The following DNAH9 variants were observed in gnomAD, a reference collection of about 807,000 sequenced individuals.
DNAH9 encodes DNAH9 variant protein.
In DNAH9, 345 loss-of-function variants were observed where a neutral mutation model predicts 471.6. The ratio of observed to expected loss-of-function variants is 0.73; its 90% CI spans 0.67 to 0.80. The LOEUF (loss-of-function observed/expected upper bound fraction) is 0.80. Ranked by LOEUF, DNAH9 falls within the 30% of genes least tolerant of loss-of-function variation. The probability of loss-of-function intolerance (pLI) is 0.00; values close to 1 mark genes in which losing one functional copy is unlikely to be tolerated. For synonymous variants in DNAH9, 2,093 were observed against 2,123.6 expected (o/e 0.99, Z 0.40); for missense variants, 5,407 against 5,609.2 (o/e 0.96, Z 1.15).
intron 62 of DNAH9, among the ~76,000 whole-genome samples, chr17:11,927,593 A>G (rs1057249654): frequency 2.0e-5 from 3 of 152,158 alleles, no homozygotes; most frequent in East Asian, 3.9e-4. Flanking sequence ...GACCTTCTTT[A>G]TGGATCTAAC....
Position 11,871,662 on chromosome 17 carries a change from A to G in DNAH9, c.10118A>G (p.Glu3373Gly). Residue 3373 changes from glutamate (E) to glycine (G), a missense_variant, in exon 52 of 69, where the codon GAA (glutamate) becomes GGA (glycine). Glu to Gly is a moderately conservative substitution (Grantham distance 98, BLOSUM62 -2). Coordinates refer to ENST00000262442, the MANE Select transcript of DNAH9 (RefSeq NM_001372.4). Reference sequence around the variant, plus strand: ...GCCGTGCAGAACTTCAAACAGCAGGAAAGGACGTTATGTGGAGACATTTTA... The same window carrying G: ...GCCGTGCAGAACTTCAAACAGCAGGGAAGGACGTTATGTGGAGACATTTTA... ...ADAVQNFKQQERTLCGDILLI... is the reference protein window; with the variant it reads ...ADAVQNFKQQGRTLCGDILLI... The G allele has an allele frequency of 3.7e-6, 6 of 1,614,214 alleles. No individual in the cohort carries two copies. Among genetic ancestry groups the G allele is most frequent in the South Asian group, 1.1e-5 (1 of 91,084 alleles).
At position 11,911,162 on chromosome 17, in the gene DNAH9, A is replaced by C. The variant is rs555009270; in HGVS notation, c.11749+5353A>C. 7.9e-5 allele frequency among the ~76,000 whole-genome samples: 12 copies of C among 152,230 alleles called. No individual in the cohort carries two copies. In the East Asian group the frequency reaches 2.3e-3, roughly 29 times the overall value. ...TCCCTTGTTTTCTTCCAAGATTTTT[A>C]CTTTTTGTTATTACATTTAGGTCTA... is the stretch of plus-strand genomic sequence containing the variant. On this transcript the variant is annotated intron_variant, in intron 61 of 68. Transcript: ENST00000262442.
In DNAH9 at chr17:11,933,899, GCTAC is replaced by G. The variant is rs1974604610; in HGVS notation, c.12320_12323del (p.Tyr4107CysfsTer33). ...ACTCAGGTCCCCTATGATGATTTGC[GCTAC>G]CTGTTTGGAGAGATCATGTATGGAG... On this transcript the variant is annotated frameshift_variant, in exon 65 of 69. Transcript: ENST00000262442. LOFTEE classifies it high-confidence loss of function. The G allele has an allele frequency of 9.9e-6, 16 of 1,612,588 alleles. No individual in the cohort carries two copies. The highest frequency in any genetic ancestry group is 1.4e-5 in the Non-Finnish European group (16 of 1,179,282).
intron 43 of DNAH9, among the ~76,000 whole-genome samples, chr17:11,802,591 C>T (rs11654027): frequency 0.041 from 6,176 of 150,774 alleles, 192 homozygotes; most frequent in South Asian, 0.16. Context: ...AAGATCGTGC[C>T]GCTGCATTCC....
intron 41 of DNAH9, among the ~76,000 whole-genome samples, chr17:11,788,539 C>A (rs1189131566): frequency 6.6e-6 from 1 of 152,192 alleles, no homozygotes; most frequent in African/African-American, 2.4e-5. Flanking sequence ...GTCAGCCCTA[C>A]ATATTGTCTA....
chr17:11,695,650 T>C (rs1364295892), intron 22 of DNAH9, among the ~76,000 whole-genome samples: 1 of 152,172 alleles, frequency 6.6e-6, no homozygotes. Context: ...CAGACACTGG[T>C]TCTGAAATTT....
At chr17:11,912,005 CTCTTT>C (rs1215028343) in intron 61 of DNAH9, among the ~76,000 whole-genome samples, 2 of 152,002 alleles carry the variant, frequency 1.3e-5, no homozygotes, top group African/African-American at 4.8e-5. Flanking sequence ...ATGTTTCTTC[CTCTTT>C]TATCATTATA....
chr17:11,770,445 G>A (rs957508883), intron 38 of DNAH9, among the ~76,000 whole-genome samples: 1 of 140,630 alleles, frequency 7.1e-6, no homozygotes, highest in African/African-American at 3.1e-5. Flanking sequence ...AAATGCTGAT[G>A]GGGGGGAGCA....
intron 17 of DNAH9, among the ~76,000 whole-genome samples, chr17:11,675,288 A>T (rs546034270): frequency 4.6e-5 from 7 of 152,302 alleles, no homozygotes; most frequent in African/African-American, 1.7e-4. Flanking sequence ...TTGATTTCAT[A>T]TCACGCAATC....
At chr17:11,869,318 G>A in intron 51 of DNAH9, 65 bp downstream of exon 51, 2 of 1,591,742 alleles carry the variant, frequency 1.3e-6, no homozygotes, top group Middle Eastern at 2.1e-4. Flanking sequence ...TGCCGTGGAG[G>A]TGCAAGATAG....
At chr17:11,911,058 T>C (rs1252674537) in intron 61 of DNAH9, among the ~76,000 whole-genome samples, 1 of 152,206 alleles carries the variant, frequency 6.6e-6, no homozygotes, top group Non-Finnish European at 1.5e-5. Flanking sequence ...ACAATTTATC[T>C]ATGTTTTCCT....
chr17:11,900,103 A>AT (rs1973357402), intron 59 of DNAH9, among the ~76,000 whole-genome samples: 1 of 151,284 alleles, frequency 6.6e-6, no homozygotes, highest in Non-Finnish European at 1.5e-5. Flanking sequence ...TCCAAATGAA[A>AT]AAAAAAACTC....
chr17:11,634,602 G>A (rs1001208952), intron 8 of DNAH9, among the ~76,000 whole-genome samples: 1 of 152,204 alleles, frequency 6.6e-6, no homozygotes, highest in Non-Finnish European at 1.5e-5. Flanking sequence ...TTGAGGCAGA[G>A]CTACTTTTTA....
At chr17:11,747,435 A>G (rs1966925519) in intron 31 of DNAH9, 121 bp from the exon 32 acceptor site, 2 of 715,320 alleles carry the variant, frequency 2.8e-6, no homozygotes, top group South Asian at 3.4e-5. Context: ...CTTGGGGTAG[A>G]TAACTCTTCC....
chr17:11,783,836 TC>T, intron 40 of DNAH9, 88 bp downstream of exon 40: 1 of 1,066,076 alleles, frequency 9.4e-7, no homozygotes, highest in Non-Finnish European at 1.4e-6. Flanking sequence ...TTGGCCTTTT[TC>T]CCCATGCAGC....
chr17:11,856,390 C>T (rs185746181), intron 50 of DNAH9, among the ~76,000 whole-genome samples: 15 of 152,018 alleles, frequency 9.9e-5, no homozygotes, highest in Non-Finnish European at 2.1e-4. Context: ...TCCTTGAGAC[C>T]AATCTCTCTA....
rs531443343 is a variant in DNAH9, at chr17:11,892,438, A to G, written c.11283+491A>G. The stretch of plus-strand genomic sequence containing the variant: ...CAGCCTTGACCTTAGAAAGTTTTCA[A>G]TAACGTTGGTTCTCAAGGGTTTGGG... On this transcript the variant is annotated intron_variant, in intron 58 of 68. Coordinates refer to ENST00000262442, the MANE Select transcript of DNAH9 (RefSeq NM_001372.4). The surrounding 1 kb of genome is among the most constrained non-coding windows in gnomAD (Gnocchi z 4.3). 2.7e-4 allele frequency among the ~76,000 whole-genome samples: 41 copies of G among 152,224 alleles called. No individual in the cohort carries two copies. Among genetic ancestry groups the G allele is most frequent in the Non-Finnish European group, 4.7e-4 (32 of 68,040 alleles).
At chr17:11,763,224 C>T (rs1967790358) in intron 35 of DNAH9, among the ~76,000 whole-genome samples, 3 of 152,040 alleles carry the variant, frequency 2.0e-5, no homozygotes, top group Non-Finnish European at 2.9e-5. Context: ...AGAAAGTCCT[C>T]AGGAGAGCTC....
chr17:11,872,019 T>C (rs1972285829), intron 52 of DNAH9, among the ~76,000 whole-genome samples: 1 of 152,126 alleles, frequency 6.6e-6, no homozygotes, highest in South Asian at 2.1e-4. Context: ...TAGTCCTCCA[T>C]GGGAACACTA....
Sources: gnomAD v4.1 joint callset for allele counts (sites outside exome capture counted in the v4.1 genomes callset) on GRCh38, gnomAD v4.1.1 for gene constraint, Gnocchi (gnomAD v3.1) non-coding constraint, MANE v1.5 for transcripts, NCBI Gene and HGNC (gene_info 2026-07-23, HGNC 2026-07-21) for gene names.